Variants in RELN observed in about 807,000 individuals in gnomAD.
RELN encodes reelin.
RELN carries 108 observed loss-of-function variants against 427.6 expected under a neutral mutation model. The ratio of observed to expected loss-of-function variants is 0.25; its 90% confidence interval spans 0.22 to 0.30. RELN has a LOEUF of 0.30. Ranked by LOEUF, RELN falls within the 10% of genes least tolerant of loss-of-function variation. The probability of loss-of-function intolerance (pLI) is 1.00; values close to 1 mark genes in which losing one functional copy is unlikely to be tolerated. For missense variants in RELN, 3,715 were observed against 4,302.8 expected (o/e 0.86, Z 3.82); for synonymous variants, 1,524 against 1,513.4 (o/e 1.01, Z -0.16).
In RELN at chr7:103,776,636, A is replaced by T; in HGVS notation, c.474-9T>A. 6.2e-7 allele frequency: 1 copy of T among 1,613,960 alleles called. No individual in the cohort carries two copies. The highest frequency in any genetic ancestry group is 1.1e-5 in the South Asian group (1 of 91,068). On this transcript the variant is annotated splice_polypyrimidine_tract_variant and intron_variant, in intron 3 of 64. Coordinates refer to ENST00000428762, the MANE Select transcript of RELN (RefSeq NM_005045.4). ...GGTGTGTTGCTGTAGCCCTGGAAAC[A>T]AATAGGAAAAGGTTAATTCAACTCT...
intron 3 of RELN, among the ~76,000 whole-genome samples, chr7:103,778,185 T>C (rs193209373): frequency 6.6e-6 from 1 of 152,232 alleles, no homozygotes; most frequent in African/African-American, 2.4e-5. Flanking sequence ...AAACATGGCC[T>C]AGAGGCTCTC....
intron 28 of RELN, among the ~76,000 whole-genome samples, chr7:103,587,918 A>G (rs760186583): frequency 1.3e-5 from 2 of 152,088 alleles, no homozygotes; most frequent in Non-Finnish European, 2.9e-5. Context: ...AGAAAAGGGA[A>G]CTCTTATATA....
intron 8 of RELN, among the ~76,000 whole-genome samples, chr7:103,718,896 T>A (rs906990729): frequency 2.0e-5 from 3 of 152,152 alleles, no homozygotes; most frequent in African/African-American, 7.2e-5. Context: ...TGAACAAGTA[T>A]ATTACTTGGT....
chr7:103,482,280 T>C, intron 63 of RELN: 1 of 158,388 alleles, frequency 6.3e-6, no homozygotes, highest in Admixed American at 6.0e-5. Flanking sequence ...ACTAGATCAT[T>C]AGAGAAAAAG....
At chr7:103,504,980 A>G (rs963119895) in intron 51 of RELN, among the ~76,000 whole-genome samples, 8 of 152,206 alleles carry the variant, frequency 5.3e-5, no homozygotes, top group Middle Eastern at 3.4e-3. Flanking sequence ...AAATGGGTGG[A>G]GCCCGCCTCA....
chr7:103,671,706 C>T (rs1833396409), intron 11 of RELN, among the ~76,000 whole-genome samples: 1 of 152,104 alleles, frequency 6.6e-6, no homozygotes, highest in African/African-American at 2.4e-5. Flanking sequence ...TGTTATTGCT[C>T]AAGCAATCTT....
intron 1 of RELN, among the ~76,000 whole-genome samples, chr7:103,938,484 C>A (rs1364766763): frequency 6.6e-6 from 1 of 152,024 alleles, no homozygotes; most frequent in East Asian, 1.9e-4. Context: ...TACTTATAAT[C>A]CTTAAATTTC....
chr7:103,496,073 A>G (rs1465998515), intron 56 of RELN, among the ~76,000 whole-genome samples, 175 bp from the exon 57 acceptor site: 1 of 152,176 alleles, frequency 6.6e-6, no homozygotes, highest in Non-Finnish European at 1.5e-5. Context: ...TTTAACTGGG[A>G]TAATGCATAA....
chr7:103,483,759 C>T lies in RELN; in HGVS notation c.10075G>A (p.Val3359Met). 1 of 1,614,140 alleles carries T rather than the reference C, an allele frequency of 6.2e-7. No homozygotes were observed. Among genetic ancestry groups the T allele is most frequent in the Non-Finnish European group, 8.5e-7 (1 of 1,179,954 alleles). Residue 3359 changes from valine (V) to methionine (M), a missense_variant, in exon 62 of 65, where the codon GTG becomes ATG. Val to Met is a conservative substitution (Grantham distance 21). Around this residue, in one of 4 missense-constraint regions of RELN, gnomAD observed 195 missense variants for 281.3 expected, o/e 0.69. Transcript: ENST00000428762. Reference sequence around the variant, plus strand: ...TTGTTGACGCTGTATTGCAGCAGCACTGCCTTGTCCACAGCGTGGGGGCCA... The same window carrying T: ...TTGTTGACGCTGTATTGCAGCAGCATTGCCTTGTCCACAGCGTGGGGGCCA... Reference protein sequence around the residue: ...LSGPHAVDKAVLLQYSVNNGI... With the variant: ...LSGPHAVDKAMLLQYSVNNGI...
chr7:103,605,919 A>G (rs943407816), intron 22 of RELN, among the ~76,000 whole-genome samples: 1 of 152,214 alleles, frequency 6.6e-6, no homozygotes, highest in Non-Finnish European at 1.5e-5. Flanking sequence ...GGGTTGCTGC[A>G]TATCAGTGCT....
At chr7:103,510,117 C>A (rs2117059599) in intron 51 of RELN, among the ~76,000 whole-genome samples, 1 of 152,206 alleles carries the variant, frequency 6.6e-6, no homozygotes, top group South Asian at 2.1e-4. Context: ...AATACCATTG[C>A]ACCCAGCAAT....
At chr7:103,789,325 C>T (rs949799487) in intron 3 of RELN, among the ~76,000 whole-genome samples, 2 of 151,982 alleles carry the variant, frequency 1.3e-5, no homozygotes, top group African/African-American at 4.8e-5. Flanking sequence ...GCAACAAAAG[C>T]CAAAATTGAT....
intron 2 of RELN, among the ~76,000 whole-genome samples, chr7:103,845,591 C>T (rs1353946889): frequency 1.3e-5 from 2 of 152,180 alleles, no homozygotes; most frequent in Non-Finnish European, 2.9e-5. Context: ...TATTTTTCAA[C>T]ATCATCCATC....
At chr7:103,820,977 C>T (rs1354770749) in intron 3 of RELN, among the ~76,000 whole-genome samples, 2 of 151,984 alleles carry the variant, frequency 1.3e-5, no homozygotes, top group African/African-American at 4.8e-5. Context: ...TAGTGTTTTA[C>T]TTATTTGTTA....
chr7:103,811,757 A>G (rs1792748708), intron 3 of RELN, among the ~76,000 whole-genome samples: 1 of 152,248 alleles, frequency 6.6e-6, no homozygotes, highest in Admixed American at 6.5e-5. Context: ...CATTGAGCAG[A>G]ATTAATTCCT....
In RELN at chr7:103,840,762, G is replaced by A. The variant is rs117863040; in HGVS notation, c.338-7090C>T. ...ATATGTAAGTTGGAAACCATTCTGG[G>A]GATAATTAAAATTTTGAATTTCATA... On this transcript the variant is annotated intron_variant, in intron 2 of 64. Transcript: ENST00000428762. Among the ~76,000 whole-genome samples, 1,038 of 151,900 alleles carry A rather than the reference G, an allele frequency of 6.8e-3. 6 individuals are homozygous for A. Among genetic ancestry groups the A allele is most frequent in the Non-Finnish European group, 0.012 (808 of 67,952 alleles).
At chr7:103,904,408 C>T (rs1330772232) in intron 2 of RELN, among the ~76,000 whole-genome samples, 1 of 152,066 alleles carries the variant, frequency 6.6e-6, no homozygotes, top group East Asian at 1.9e-4. Context: ...ATTTCTGGTT[C>T]TAGATCCTTA....
chr7:103,871,095 C>T (rs1461737999), intron 2 of RELN, among the ~76,000 whole-genome samples: 2 of 152,090 alleles, frequency 1.3e-5, no homozygotes, highest in East Asian at 3.9e-4. Flanking sequence ...CTATTTGGTC[C>T]AGTTTTAAGA....
chr7:103,841,421 G>C (rs1481334896), intron 2 of RELN, among the ~76,000 whole-genome samples: 1 of 152,104 alleles, frequency 6.6e-6, no homozygotes, highest in Non-Finnish European at 1.5e-5. Context: ...TTGAAGGATA[G>C]GAATCAATAG....
Sources: allele counts gnomAD v4.1 joint callset (sites outside exome capture counted in the v4.1 genomes callset), GRCh38; gene constraint gnomAD v4.1.1; regional missense constraint gnomAD v4.1.1; transcripts MANE v1.5; gene names NCBI Gene and HGNC (gene_info 2026-07-23, HGNC 2026-07-21).